Variants in COX7B2 observed in about 807,000 individuals in gnomAD.
COX7B2 encodes cytochrome c oxidase subunit 7B2, also known as cytochrome c oxidase subunit 7B2, mitochondrial.
For missense variants in COX7B2, 109 were observed against 95.9 expected (o/e 1.14, Z -0.57); for synonymous variants, 37 against 32.1 (o/e 1.15, Z -0.51).
chr4:46,856,320 G>A (rs567119437), intron 1 of COX7B2, among the ~76,000 whole-genome samples: 2 of 152,274 alleles, frequency 1.3e-5, no homozygotes, highest in African/African-American at 4.8e-5. Context: ...ACCAGGCAGA[G>A]GGTGTGACTA....
intron 2 of COX7B2, among the ~76,000 whole-genome samples, chr4:46,820,431 G>T (rs568623231): frequency 6.6e-6 from 1 of 152,252 alleles, no homozygotes; most frequent in Non-Finnish European, 1.5e-5. Flanking sequence ...CTCACCTCCT[G>T]CAGTGCAGCC....
intron 1 of COX7B2, among the ~76,000 whole-genome samples, chr4:46,883,401 C>G (rs896519618): frequency 2.0e-5 from 3 of 151,504 alleles, no homozygotes. Flanking sequence ...AATTTTTGCA[C>G]TAGTATTTTC....
intron 1 of COX7B2, among the ~76,000 whole-genome samples, chr4:46,847,706 C>A (rs1716384392): frequency 1.3e-5 from 2 of 151,974 alleles, no homozygotes; most frequent in South Asian, 4.2e-4. Context: ...AATAAAAAGA[C>A]CAAGGAAGAG....
chr4:46,896,275 C>T (rs1719757318), intron 1 of COX7B2, among the ~76,000 whole-genome samples: 1 of 152,142 alleles, frequency 6.6e-6, no homozygotes, highest in Non-Finnish European at 1.5e-5. Context: ...CTGCAATGCA[C>T]CTTTTGTTTA....
intron 1 of COX7B2, among the ~76,000 whole-genome samples, chr4:46,865,896 G>T (rs1434486341): frequency 6.6e-6 from 1 of 152,074 alleles, no homozygotes; most frequent in Non-Finnish European, 1.5e-5. Flanking sequence ...TTAGTACACA[G>T]AACCCTACTT....
intron 2 of COX7B2, among the ~76,000 whole-genome samples, chr4:46,781,588 C>T (rs2109552668): frequency 6.6e-6 from 1 of 152,352 alleles, no homozygotes; most frequent in South Asian, 2.1e-4. Context: ...GCTTGAGGAG[C>T]CCTTCAGTGT....
At chr4:46,813,639 G>A (rs866450900) in intron 2 of COX7B2, among the ~76,000 whole-genome samples, 30 of 152,076 alleles carry the variant, frequency 2.0e-4, no homozygotes, top group African/African-American at 7.0e-4. Context: ...GGGTTGATAG[G>A]TGCAGCAAAC....
At chr4:46,852,098 C>T (rs186493679) in intron 1 of COX7B2, among the ~76,000 whole-genome samples, 5 of 151,994 alleles carry the variant, frequency 3.3e-5, no homozygotes, top group African/African-American at 1.2e-4. Context: ...TCCTTATTTC[C>T]TTCTGCATTT....
chr4:46,743,641 G>A (rs1397382860), intron 2 of COX7B2, among the ~76,000 whole-genome samples: 1 of 152,162 alleles, frequency 6.6e-6, no homozygotes, highest in Non-Finnish European at 1.5e-5. Flanking sequence ...TGAGAAGTAT[G>A]CAGCTAACAA....
chr4:46,865,487 C>T (rs763491414), intron 1 of COX7B2, among the ~76,000 whole-genome samples: 10 of 152,166 alleles, frequency 6.6e-5, no homozygotes, highest in Middle Eastern at 3.2e-3. Flanking sequence ...AAAGGACCAA[C>T]GCTCAATTTG....
chr4:46,766,055 CA>C (rs1716515614), intron 2 of COX7B2, among the ~76,000 whole-genome samples: 1 of 152,196 alleles, frequency 6.6e-6, no homozygotes, highest in South Asian at 2.1e-4. Context: ...CCTAAAGACA[CA>C]AGCACTCAGC....
chr4:46,899,109 A>G (rs183093550), intron 1 of COX7B2, among the ~76,000 whole-genome samples: 77 of 152,302 alleles, frequency 5.1e-4, no homozygotes, highest in Non-Finnish European at 9.7e-4. Context: ...ATACAAAATA[A>G]GGCCCAACTC....
chr4:46,862,708 T>A (rs891717952), intron 1 of COX7B2, among the ~76,000 whole-genome samples: 2 of 152,208 alleles, frequency 1.3e-5, no homozygotes, highest in Non-Finnish European at 2.9e-5. Flanking sequence ...ACTGTAAGAT[T>A]CTTATTAGGT....
chr4:46,736,564 T>C, intron 2 of COX7B2, among the ~76,000 whole-genome samples: 1 of 152,140 alleles, frequency 6.6e-6, no homozygotes, highest in African/African-American at 2.4e-5. Flanking sequence ...TCAATTTCTA[T>C]GTTTATCAAA....
At chr4:46,784,155 A>AT (rs1560378640) in intron 2 of COX7B2, among the ~76,000 whole-genome samples, 1 of 152,202 alleles carries the variant, frequency 6.6e-6, no homozygotes, top group East Asian at 1.9e-4. Context: ...ACCTCATGGA[A>AT]TAAGAGAGGG....
rs1336948844 is a variant in COX7B2, at chr4:46,763,059, A to T, written c.-49-27818T>A. ...TATATATTATATATTATAATATGTA[A>T]TATATATTATATAATATATATTACA... On this transcript the variant is annotated intron_variant, in intron 2 of 2. Transcript: ENST00000355591. Among the ~76,000 whole-genome samples, 5 of 134,228 alleles carry T rather than the reference A, an allele frequency of 3.7e-5. No homozygotes were observed. In the East Asian group the frequency reaches 8.4e-4, roughly 23 times the overall value. The allele number at this position is 134,228 out of a possible 152,430, so 88.1% of individuals were successfully genotyped here.
chr4:46,787,690 A>C (rs144015063), intron 2 of COX7B2, among the ~76,000 whole-genome samples: 113 of 152,330 alleles, frequency 7.4e-4, no homozygotes, highest in African/African-American at 2.5e-3. Flanking sequence ...AACAGTGTCT[A>C]GCAGAGCCTT....
chr4:46,804,853 G>A (rs892715114), intron 2 of COX7B2, among the ~76,000 whole-genome samples: 5 of 152,236 alleles, frequency 3.3e-5, no homozygotes, highest in African/African-American at 7.2e-5. Flanking sequence ...TTGGGTGGTT[G>A]ATGGGACTGG....
chr4:46,736,841 TTATC>T (rs144283856), intron 2 of COX7B2, among the ~76,000 whole-genome samples: 139 of 152,304 alleles, frequency 9.1e-4, no homozygotes, highest in African/African-American at 3.1e-3. Context: ...GCACCACAAT[TTATC>T]TATTATTTTA....
Sources: gnomAD v4.1 joint callset for allele counts (sites outside exome capture counted in the v4.1 genomes callset) on GRCh38, gnomAD v4.1.1 for gene constraint, MANE v1.5 for transcripts, NCBI Gene and HGNC (gene_info 2026-07-23, HGNC 2026-07-21) for gene names.